Variants in SNX29 observed in about 807,000 individuals in gnomAD.
SNX29 encodes sorting nexin 29.
A neutral mutation model predicts 102.1 loss-of-function variants in SNX29; 78 were observed. The observed-to-expected ratio is 0.76, with a 90% CI of 0.64 to 0.92. The LOEUF is 0.92. Ranked by LOEUF, SNX29 falls within the 40% of genes least tolerant of loss-of-function variation. The pLI, the probability that SNX29 is intolerant of heterozygous loss-of-function variation, is 0.00. For synonymous variants in SNX29, 580 were observed against 414.5 expected (o/e 1.40, Z -4.85); for missense variants, 1,280 against 1,061.7 (o/e 1.21, Z -2.86).
At chr16:12,294,403 C>G (rs1398487492) in intron 15 of SNX29, among the ~76,000 whole-genome samples, 1 of 152,144 alleles carries the variant, frequency 6.6e-6, no homozygotes, top group African/African-American at 2.4e-5. Context: ...GACATCTTCT[C>G]TCGTTCCTCC....
chr16:12,074,170 T>C (rs973572504), intron 10 of SNX29, among the ~76,000 whole-genome samples: 1 of 151,680 alleles, frequency 6.6e-6, no homozygotes, highest in Non-Finnish European at 1.5e-5. Flanking sequence ...TCCATTTACA[T>C]TTAAAGTTAA....
intron 20 of SNX29, 83 bp downstream of exon 20, chr16:12,524,924 C>T (rs182234537): frequency 3.4e-5 from 53 of 1,555,724 alleles, no homozygotes; most frequent in African/African-American, 1.1e-4. Flanking sequence ...GGGAGCACAG[C>T]GGCTCTCCGT....
In SNX29 at chr16:12,568,530, TG is replaced by T; in HGVS notation, c.2344del (p.Val782Ter). ...FVDITPPGEP[V>X]NSRPKAASRF... ...GCGACATCACCCCGCCCGGAGAGCC[TG>T]TGAACAGCCGGCCCAAAGCAGCTTC... On this transcript the variant is annotated frameshift_variant, in exon 21 of 21. Transcript: ENST00000566228. LOFTEE classifies it high-confidence loss of function. 1 of 1,609,920 alleles carries T rather than the reference TG, an allele frequency of 6.2e-7. No individual in the cohort carries two copies. The highest frequency in any genetic ancestry group is 8.5e-7 in the Non-Finnish European group (1 of 1,179,830).
chr16:12,239,810 A>G lies in SNX29; in HGVS notation c.1679-38123A>G, dbSNP rs1297488680. ...ACTCCAGCATGAGCAATAGACTGAC[A>G]CCCTGTCTCAAAAAAAAAAATCCTG... On this transcript the variant is annotated intron_variant, in intron 14 of 20. Transcript: ENST00000566228. Among the ~76,000 whole-genome samples the G allele has an allele frequency of 7.9e-5, 10 of 127,348 alleles. No individual in the cohort carries two copies. In the East Asian group the frequency reaches 2.1e-3, roughly 27 times the overall value. 83.5% of individuals were successfully genotyped at this position (127,348 alleles called of 152,430 possible).
chr16:12,542,427 C>T (rs907606804), intron 20 of SNX29, among the ~76,000 whole-genome samples: 6 of 152,168 alleles, frequency 3.9e-5, no homozygotes, highest in Non-Finnish European at 7.3e-5. Flanking sequence ...CCTTCGCCTC[C>T]CAAGTTCAAT....
intron 15 of SNX29, among the ~76,000 whole-genome samples, chr16:12,320,562 C>T (rs1443325665): frequency 6.6e-6 from 1 of 152,146 alleles, no homozygotes; most frequent in Non-Finnish European, 1.5e-5. Context: ...TAAGATTAAC[C>T]ATGTGTGTGT....
At chr16:12,091,992 C>T (rs1286265894) in intron 11 of SNX29, among the ~76,000 whole-genome samples, 2 of 152,112 alleles carry the variant, frequency 1.3e-5, no homozygotes, top group Non-Finnish European at 2.9e-5. Flanking sequence ...GTTTTGTTTT[C>T]GCAGCCCTAC....
chr16:12,320,006 C>A (rs931015240), intron 15 of SNX29, among the ~76,000 whole-genome samples: 2 of 152,128 alleles, frequency 1.3e-5, no homozygotes, highest in Non-Finnish European at 2.9e-5. Context: ...CCTGGCTGGA[C>A]GTGGCTGCAT....
chr16:12,193,966 A>G (rs2076708106), intron 13 of SNX29, among the ~76,000 whole-genome samples: 1 of 152,160 alleles, frequency 6.6e-6, no homozygotes, highest in South Asian at 2.1e-4. Flanking sequence ...GATTTTGGCT[A>G]TTTTAGTTTC....
intron 15 of SNX29, among the ~76,000 whole-genome samples, chr16:12,315,332 T>G (rs559293199): frequency 3.9e-5 from 6 of 152,276 alleles, no homozygotes; most frequent in African/African-American, 1.2e-4. Context: ...AGAGAGTAAA[T>G]TCTTTACACC....
rs537441350 is a variant in SNX29, at chr16:12,496,507, CTTTTTT to C, written c.2178+18665_2178+18670del. On this transcript the variant is annotated intron_variant, in intron 19 of 20. Transcript: ENST00000566228. ...TCTCACACCTCCTTGGCTCTCATGG[CTTTTTT>C]TTTTTTTTTTTTTTTTAAACCTAGT... Among the ~76,000 whole-genome samples the C allele has an allele frequency of 8.9e-4, 102 of 115,182 alleles. 1 individual carries two copies. Among genetic ancestry groups the C allele is most frequent in the South Asian group, 1.1e-3 (4 of 3,612 alleles). 75.6% of individuals were successfully genotyped at this position (115,182 alleles called of 152,430 possible).
chr16:12,554,218 G>A (rs950224325), intron 20 of SNX29, among the ~76,000 whole-genome samples: 1 of 152,220 alleles, frequency 6.6e-6, no homozygotes, highest in African/African-American at 2.4e-5. Context: ...CATATATAGA[G>A]CAAAACGTGA....
At chr16:12,273,443 C>T (rs1483881874) in intron 14 of SNX29, among the ~76,000 whole-genome samples, 1 of 151,720 alleles carries the variant, frequency 6.6e-6, no homozygotes. Context: ...ACTGCAACCT[C>T]TGCCTCCCGG....
intron 15 of SNX29, among the ~76,000 whole-genome samples, chr16:12,305,442 G>A (rs912598232): frequency 2.0e-5 from 3 of 152,224 alleles, no homozygotes; most frequent in Non-Finnish European, 2.9e-5. Flanking sequence ...GCCAGTGACT[G>A]TGACACTGGC....
At chr16:12,506,821 C>T (rs1269191739) in intron 19 of SNX29, among the ~76,000 whole-genome samples, 3 of 152,036 alleles carry the variant, frequency 2.0e-5, no homozygotes, top group African/African-American at 7.2e-5. Context: ...CACTTCCCTC[C>T]CAACCCACCC....
intron 16 of SNX29, among the ~76,000 whole-genome samples, chr16:12,380,709 A>G (rs1196421284): frequency 1.4e-5 from 1 of 73,142 alleles, no homozygotes; most frequent in Admixed American, 1.7e-4. Flanking sequence ...CCCACCAACC[A>G]TCAATTCCAT....
chr16:12,236,453 C>G (rs2077935815), intron 14 of SNX29, among the ~76,000 whole-genome samples: 1 of 152,192 alleles, frequency 6.6e-6, no homozygotes, highest in African/African-American at 2.4e-5. Context: ...TTAAGCAAGG[C>G]TATTATTTAC....
intron 18 of SNX29, among the ~76,000 whole-genome samples, chr16:12,448,732 A>G (rs1206461766): frequency 6.6e-6 from 1 of 152,172 alleles, no homozygotes; most frequent in Non-Finnish European, 1.5e-5. Flanking sequence ...CAGAACTGAG[A>G]CTTTCCCTGA....
At chr16:12,462,590 T>TTA (rs892252528) in intron 18 of SNX29, among the ~76,000 whole-genome samples, 2 of 132,538 alleles carry the variant, frequency 1.5e-5, no homozygotes, top group African/African-American at 5.9e-5. Flanking sequence ...GGGGATTTCA[T>TTA]TATACACACA....
Sources: gnomAD v4.1 joint callset for allele counts (sites outside exome capture counted in the v4.1 genomes callset) on GRCh38, gnomAD v4.1.1 for gene constraint, MANE v1.5 for transcripts, NCBI Gene and HGNC (gene_info 2026-07-23, HGNC 2026-07-21) for gene names.